PTPRD: variants seen among roughly 807,000 people sequenced by gnomAD.
PTPRD encodes receptor-type tyrosine-protein phosphatase delta.
A neutral mutation model predicts 214.5 loss-of-function variants in PTPRD; 34 were observed. The observed-to-expected ratio is 0.16, with a 90% CI of 0.12 to 0.21. PTPRD has a LOEUF of 0.21. Ranked by LOEUF, PTPRD falls within the 10% of genes least tolerant of loss-of-function variation. The pLI, the probability that PTPRD is intolerant of heterozygous loss-of-function variation, is 1.00. For missense variants in PTPRD, 2,545 were observed against 2,398.7 expected, an observed-to-expected ratio of 1.06 and a Z score of -1.27; for synonymous variants, 1,128 against 845.7, an observed-to-expected ratio of 1.33 and a Z score of -5.79.
At chr9:8,824,963 T>C (rs12342789) in intron 11 of PTPRD, among the ~76,000 whole-genome samples, 15,253 of 152,232 alleles carry the variant, frequency 0.1, 918 homozygotes, top group South Asian at 0.18. Context: ...GCCTGATTAT[T>C]TGTATAAAGT....
chr9:9,314,440 C>T (rs1235635636), intron 9 of PTPRD, among the ~76,000 whole-genome samples: 1 of 151,986 alleles, frequency 6.6e-6, no homozygotes, highest in Non-Finnish European at 1.5e-5. Flanking sequence ...AGTAAATGTC[C>T]CATCAAAGAA....
chr9:10,209,344 T>C (rs761573422), intron 3 of PTPRD, among the ~76,000 whole-genome samples: 1 of 152,204 alleles, frequency 6.6e-6, no homozygotes, highest in Non-Finnish European at 1.5e-5. Context: ...TTTAAATGGC[T>C]TCTTATAAGA....
chr9:10,469,269 A>C (rs2099014605), intron 2 of PTPRD, among the ~76,000 whole-genome samples: 1 of 152,192 alleles, frequency 6.6e-6, no homozygotes, highest in Non-Finnish European at 1.5e-5. Context: ...CCTCTACACA[A>C]GCAACAAAAT....
intron 3 of PTPRD, among the ~76,000 whole-genome samples, chr9:10,269,790 C>A (rs1188664937): frequency 6.6e-6 from 1 of 151,502 alleles, no homozygotes; most frequent in Non-Finnish European, 1.5e-5. Flanking sequence ...CTATAAAAAT[C>A]TTCTGAAAAA....
In PTPRD at chr9:10,543,479, TAC is replaced by T. The variant is rs567757732; in HGVS notation, c.-600+68917_-600+68918del. Among the ~76,000 whole-genome samples the T allele has an allele frequency of 1.5e-3, 220 of 145,182 alleles. 2 individuals are homozygous for T. Among genetic ancestry groups the T allele is most frequent in the Middle Eastern group, 6.9e-3 (2 of 288 alleles). On this transcript the variant is annotated intron_variant, in intron 2 of 45. Transcript: ENST00000381196. ...GTTTGAAGAGTTTAATATATATATATACACACACACACACACACACACACACA... is the reference window on the plus strand; with the variant it reads ...GTTTGAAGAGTTTAATATATATATATACACACACACACACACACACACACA...
chr9:9,346,338 C>T (rs1046462460), intron 9 of PTPRD, among the ~76,000 whole-genome samples: 9 of 152,006 alleles, frequency 5.9e-5, no homozygotes, highest in East Asian at 1.9e-4. Flanking sequence ...GTGACTCACA[C>T]GTAACATAAT....
At chr9:8,395,149 T>C (rs2090762299) in intron 36 of PTPRD, among the ~76,000 whole-genome samples, 1 of 152,106 alleles carries the variant, frequency 6.6e-6, no homozygotes, top group African/African-American at 2.4e-5. Context: ...CAAAAAGAAA[T>C]TGCTTTTTGG....
chr9:10,241,323 T>A (rs186555024), intron 3 of PTPRD, among the ~76,000 whole-genome samples: 1 of 151,972 alleles, frequency 6.6e-6, no homozygotes, highest in Non-Finnish European at 1.5e-5. Context: ...GCACTTATCA[T>A]ATGACCCAAT....
At chr9:9,140,344 C>T (rs2099858062) in intron 10 of PTPRD, among the ~76,000 whole-genome samples, 1 of 152,126 alleles carries the variant, frequency 6.6e-6, no homozygotes, top group Admixed American at 6.5e-5. Context: ...TGTGTACATA[C>T]CCACATATTT....
At chr9:8,668,857 C>G (rs1052547746) in intron 12 of PTPRD, among the ~76,000 whole-genome samples, 1 of 152,126 alleles carries the variant, frequency 6.6e-6, no homozygotes, top group African/African-American at 2.4e-5. Flanking sequence ...TTAGAGATAG[C>G]TTGCAGTGAG....
chr9:10,546,373 G>C (rs1359592395), intron 2 of PTPRD, among the ~76,000 whole-genome samples: 1 of 152,036 alleles, frequency 6.6e-6, no homozygotes, highest in Non-Finnish European at 1.5e-5. Flanking sequence ...CTATGCAAAA[G>C]AGAGAAGAAA....
chr9:9,741,372 G>A (rs1235781272), intron 6 of PTPRD, among the ~76,000 whole-genome samples: 1 of 149,462 alleles, frequency 6.7e-6, no homozygotes, highest in African/African-American at 2.5e-5. Flanking sequence ...TTTTTTACAA[G>A]GAGTAGTATG....
Position 8,323,855 on chromosome 9 carries a change from A to G in PTPRD, c.5535-3889T>C, listed in dbSNP as rs909825807. Among the ~76,000 whole-genome samples, 4 of 152,310 alleles carry G rather than the reference A, an allele frequency of 2.6e-5. No homozygotes were observed. In the East Asian group the frequency reaches 7.7e-4, roughly 29 times the overall value. ...TGCAGAGGAATGACTCCAATTTTGA[A>G]AGAAGTTCTACTGTGAGTAAAATGC... On this transcript the variant is annotated intron_variant, in intron 44 of 45. Coordinates refer to ENST00000381196, the MANE Select transcript of PTPRD (RefSeq NM_002839.4).
intron 3 of PTPRD, among the ~76,000 whole-genome samples, chr9:10,245,282 C>T (rs2091893448): frequency 6.6e-6 from 1 of 152,050 alleles, no homozygotes; most frequent in Non-Finnish European, 1.5e-5. Flanking sequence ...AACATATATT[C>T]CTTTACATAC....
At chr9:9,576,406 C>T (rs968044516) in intron 7 of PTPRD, among the ~76,000 whole-genome samples, 22 of 152,110 alleles carry the variant, frequency 1.4e-4, no homozygotes, top group African/African-American at 5.3e-4. Context: ...CTCCCGGGCT[C>T]ATTTGTACAG....
intron 6 of PTPRD, among the ~76,000 whole-genome samples, chr9:9,761,978 T>C (rs2154476145): frequency 6.6e-6 from 1 of 152,332 alleles, no homozygotes; most frequent in Non-Finnish European, 1.5e-5. Flanking sequence ...CTGAATGACT[T>C]AAACATAAAT....
At chr9:8,663,789 C>G (rs183233221) in intron 12 of PTPRD, among the ~76,000 whole-genome samples, 1 of 151,926 alleles carries the variant, frequency 6.6e-6, no homozygotes, top group East Asian at 1.9e-4. Flanking sequence ...CTGTGCCCAG[C>G]CTTTAATAGT....
intron 39 of PTPRD, among the ~76,000 whole-genome samples, chr9:8,352,145 T>G (rs1308213795): frequency 6.6e-6 from 1 of 152,148 alleles, no homozygotes; most frequent in Non-Finnish European, 1.5e-5. Context: ...TGCATGATCT[T>G]GGCTTTGTCC....
chr9:10,522,799 A>G (rs1413431712), intron 2 of PTPRD, among the ~76,000 whole-genome samples: 1 of 152,136 alleles, frequency 6.6e-6, no homozygotes, highest in Non-Finnish European at 1.5e-5. Flanking sequence ...TGAAATTAGC[A>G]CAGTAAAGCT....
Sources: allele counts gnomAD v4.1 joint callset (sites outside exome capture counted in the v4.1 genomes callset), GRCh38; gene constraint gnomAD v4.1.1; transcripts MANE v1.5; gene names NCBI Gene and HGNC (gene_info 2026-07-23, HGNC 2026-07-21).